SDK1: variants seen among roughly 807,000 people sequenced by gnomAD.
SDK1 encodes protein sidekick-1.
In SDK1, 157 loss-of-function variants were observed where a neutral mutation model predicts 245.5. The ratio of observed to expected loss-of-function variants is 0.64; its 90% CI spans 0.56 to 0.73. The LOEUF (loss-of-function observed/expected upper bound fraction) is 0.73. Ranked by LOEUF, SDK1 falls within the 30% of genes least tolerant of loss-of-function variation. The probability of loss-of-function intolerance (pLI) is 0.00; values close to 1 mark genes in which losing one functional copy is unlikely to be tolerated. For synonymous variants in SDK1, 1,647 were observed against 1,278.5 expected, an observed-to-expected ratio of 1.29 and a Z score of -6.15; for missense variants, 3,583 against 3,002.3, an observed-to-expected ratio of 1.19 and a Z score of -4.52.
chr7:3,677,416 A>G (rs1445811894), intron 4 of SDK1, among the ~76,000 whole-genome samples: 1 of 152,198 alleles, frequency 6.6e-6, no homozygotes, highest in East Asian at 1.9e-4. Context: ...AGGCCTCACA[A>G]TCATGGCTGA....
chr7:3,454,268 A>G lies in SDK1; in HGVS notation c.298+152384A>G, dbSNP rs541172101. 2.0e-5 allele frequency among the ~76,000 whole-genome samples: 3 copies of G among 152,320 alleles called. No individual in the cohort carries two copies. In the East Asian group the frequency reaches 5.8e-4, roughly 29 times the overall value. On this transcript the variant is annotated intron_variant, in intron 1 of 44. Coordinates refer to ENST00000404826, the MANE Select transcript of SDK1 (RefSeq NM_152744.4). ...AAATCGATACAGCTAGATTATGAAA[A>G]TCAACTCACTTTCTAGAGTTTCATC...
chr7:3,403,848 TATA>T (rs1182205443), intron 1 of SDK1, among the ~76,000 whole-genome samples: 2 of 99,286 alleles, frequency 2.0e-5, no homozygotes, highest in African/African-American at 1.0e-4. Context: ...TATATATATA[TATA>T]TATATATATA....
rs982044378 is a variant in SDK1 at position 3,963,979 on chromosome 7, C to T, written c.1429+1128C>T. Among the ~76,000 whole-genome samples the T allele has an allele frequency of 2.6e-5, 4 of 152,164 alleles. No individual in the cohort carries two copies. The East Asian group carries it at 7.7e-4, about 29-fold the overall frequency. Reference sequence around the variant, plus strand: ...TACCCAGATGTATCCAGTGGGTACACCCACGCCCACGGCTACCCGGATGTA... The same window carrying T: ...TACCCAGATGTATCCAGTGGGTACATCCACGCCCACGGCTACCCGGATGTA... On this transcript the variant is annotated intron_variant, in intron 9 of 44. Transcript: ENST00000404826.
intron 13 of SDK1, among the ~76,000 whole-genome samples, chr7:3,977,323 G>A (rs867501214): frequency 8.0e-4 from 83 of 103,946 alleles, no homozygotes; most frequent in African/African-American, 4.3e-3. Flanking sequence ...AGGCTGCCAC[G>A]CAGAGGGTCC....
At chr7:4,179,923 A>G (rs958860668) in intron 35 of SDK1, among the ~76,000 whole-genome samples, 1 of 151,818 alleles carries the variant, frequency 6.6e-6, no homozygotes, top group Non-Finnish European at 1.5e-5. Context: ...CAGTGTCTGA[A>G]CTGCAAGCAG....
chr7:4,221,076 C>G (rs1726157472), intron 39 of SDK1, among the ~76,000 whole-genome samples, 163 bp from the exon 40 acceptor site: 1 of 152,140 alleles, frequency 6.6e-6, no homozygotes, highest in Non-Finnish European at 1.5e-5. Flanking sequence ...GGCCTTGCCT[C>G]CCTGTTATTA....
chr7:3,540,921 C>T (rs1192377807), intron 1 of SDK1, among the ~76,000 whole-genome samples: 4 of 152,198 alleles, frequency 2.6e-5, no homozygotes, highest in Non-Finnish European at 5.9e-5. Context: ...GGACCTTCGT[C>T]TTGTCTTTTG....
intron 6 of SDK1, among the ~76,000 whole-genome samples, chr7:3,951,489 T>A (rs781587445): frequency 1.3e-5 from 2 of 152,258 alleles, no homozygotes; most frequent in Non-Finnish European, 2.9e-5. Context: ...TTAGCACTTA[T>A]GGTCCATTGC....
chr7:3,642,830 A>G (rs1262237144), intron 4 of SDK1: 2 of 152,252 alleles, frequency 1.3e-5, no homozygotes, highest in Admixed American at 1.3e-4. Flanking sequence ...TAAAGGTTTC[A>G]AGGCTGAACA....
chr7:3,432,096 G>A lies in SDK1; in HGVS notation c.298+130212G>A, dbSNP rs937005126. ...CTGTGTGAAATACTTTGTAAACAGA[G>A]CTTTGCAGGCTGCAGTAAAAAAAAA... On this transcript the variant is annotated intron_variant, in intron 1 of 44. Transcript: ENST00000404826. Among the ~76,000 whole-genome samples the A allele has an allele frequency of 3.4e-5, 5 of 145,680 alleles. No homozygotes were observed. In the South Asian group the frequency reaches 1.1e-3, roughly 32 times the overall value.
At chr7:3,488,373 G>C (rs1487818140) in intron 1 of SDK1, among the ~76,000 whole-genome samples, 2 of 151,858 alleles carry the variant, frequency 1.3e-5, no homozygotes, top group Non-Finnish European at 2.9e-5. Context: ...TGCTTGTTTG[G>C]CTTCTTTGAG....
chr7:3,570,604 T>G (rs1780083874), intron 1 of SDK1, among the ~76,000 whole-genome samples: 1 of 152,240 alleles, frequency 6.6e-6, no homozygotes, highest in South Asian at 2.1e-4. Flanking sequence ...CTGTCTTATC[T>G]GGAAATACTT....
At position 4,012,122 on chromosome 7, in the gene SDK1, T is replaced by C; in HGVS notation, c.2307T>C (p.Ser769=). 6.4e-7 allele frequency: 1 copy of C among 1,573,776 alleles called. No individual in the cohort carries two copies. Among genetic ancestry groups the C allele is most frequent in the Non-Finnish European group, 8.6e-7 (1 of 1,160,608 alleles). The change falls in exon 16 of 45, where the codon AGT becomes AGC. Residue 769 remains serine (S), a synonymous_variant. Transcript: ENST00000404826. The stretch of plus-strand genomic sequence containing the variant: ...TGATGCTACCTGAAGAACCACCCAG[T>C]GCTCCCCCGAAAAATATAGTGGCCA... The part of the protein sequence containing the change: ...SRLMLPEEPP[S]APPKNIVASG...
intron 5 of SDK1, among the ~76,000 whole-genome samples, chr7:3,901,549 TATTG>T (rs1562523408): frequency 6.6e-6 from 1 of 152,186 alleles, no homozygotes; most frequent in African/African-American, 2.4e-5. Context: ...CTTGTCCCAT[TATTG>T]ATTATTTTGA....
chr7:3,522,438 A>G (rs1284434551), intron 1 of SDK1, among the ~76,000 whole-genome samples: 1 of 152,206 alleles, frequency 6.6e-6, no homozygotes, highest in Non-Finnish European at 1.5e-5. Context: ...ATTTAAGAGA[A>G]TCTTCAGACC....
chr7:3,576,543 C>T (rs1459687134), intron 1 of SDK1, among the ~76,000 whole-genome samples: 1 of 152,014 alleles, frequency 6.6e-6, no homozygotes, highest in Non-Finnish European at 1.5e-5. Flanking sequence ...CATGGCTATC[C>T]AGAAAATAAT....
intron 5 of SDK1, among the ~76,000 whole-genome samples, chr7:3,917,333 G>T (rs1238959903): frequency 7.2e-5 from 11 of 152,176 alleles, no homozygotes; most frequent in Admixed American, 7.2e-4. Flanking sequence ...TTATGAGTGT[G>T]ATGCAGGGGT....
intron 4 of SDK1, among the ~76,000 whole-genome samples, chr7:3,775,432 T>A (rs539073145): frequency 6.8e-5 from 10 of 146,668 alleles, no homozygotes; most frequent in African/African-American, 2.6e-4. Context: ...TTTTATTTTA[T>A]TTTTTTTTTT....
intron 4 of SDK1, among the ~76,000 whole-genome samples, chr7:3,665,578 T>C (rs1783499403): frequency 6.6e-6 from 1 of 152,212 alleles, no homozygotes; most frequent in Non-Finnish European, 1.5e-5. Flanking sequence ...CCTGACTAGT[T>C]AATAAATATT....
Sources: gnomAD v4.1 joint callset for allele counts (sites outside exome capture counted in the v4.1 genomes callset) on GRCh38, gnomAD v4.1.1 for gene constraint, MANE v1.5 for transcripts, NCBI Gene and HGNC (gene_info 2026-07-23, HGNC 2026-07-21) for gene names.